Variants in AKAP13 observed in about 807,000 individuals in gnomAD.
The protein encoded by AKAP13 is A-kinase anchor protein 13.
AKAP13 carries 80 observed loss-of-function variants against 264.5 expected under a neutral mutation model. The observed-to-expected ratio is 0.30, with a 90% CI of 0.25 to 0.36. The LOEUF is 0.36. AKAP13 is among the 10% of genes least tolerant of loss of function. The pLI is 1.00. For missense variants in AKAP13, 3,712 were observed against 3,435.2 expected, an observed-to-expected ratio of 1.08 and a Z score of -2.01; for synonymous variants, 1,380 against 1,250.2, an observed-to-expected ratio of 1.10 and a Z score of -2.19.
intron 8 of AKAP13, among the ~76,000 whole-genome samples, chr15:85,632,588 G>A (rs2081887862): frequency 6.6e-6 from 1 of 152,102 alleles, no homozygotes; most frequent in Admixed American, 6.5e-5. Flanking sequence ...ACATGATTAT[G>A]TTCTCATCAC....
chr15:85,391,947 G>T (rs1019622205), intron 1 of AKAP13, among the ~76,000 whole-genome samples: 10 of 151,744 alleles, frequency 6.6e-5, no homozygotes, highest in East Asian at 5.8e-4. Flanking sequence ...ACCATACCTG[G>T]CTAATTTTTG....
Position 85,579,151 on chromosome 15 carries a change from G to T in AKAP13, c.1083G>T (p.Glu361Asp). 4 of 1,614,132 alleles carry T rather than the reference G, an allele frequency of 2.5e-6. No homozygotes were observed. The highest frequency in any genetic ancestry group is 3.4e-6 in the Non-Finnish European group (4 of 1,180,030). The change falls in exon 7 of 37, where the codon GAG becomes GAT. Residue 361 changes from glutamate to aspartate, a missense_variant. Around this residue, in one of 3 missense-constraint regions of AKAP13, gnomAD observed 2,759 missense variants for 2,411.7 expected, o/e 1.14. Transcript: ENST00000394518. ...ESPCDLSSIV[E>D]EENTDRSCRK... is the part of the protein sequence containing the mutation. ...CCTGTGATTTGTCAAGCATAGTTGA[G>T]GAGGAGAATACAGACCGTTCCTGTA...
At chr15:85,410,422 C>T (rs1037013042) in intron 1 of AKAP13, among the ~76,000 whole-genome samples, 1 of 151,714 alleles carries the variant, frequency 6.6e-6, no homozygotes, top group Non-Finnish European at 1.5e-5. Context: ...ACTGTTTGGA[C>T]TGGCCTTTCC....
intron 5 of AKAP13, among the ~76,000 whole-genome samples, chr15:85,570,913 G>A (rs143112846): frequency 7.7e-4 from 116 of 151,436 alleles, no homozygotes; most frequent in African/African-American, 2.7e-3. Context: ...GTCTAGAAGA[G>A]GTATCCTGAA....
chr15:85,530,304 C>G (rs550895981), intron 3 of AKAP13, among the ~76,000 whole-genome samples: 128 of 152,276 alleles, frequency 8.4e-4, no homozygotes, highest in African/African-American at 2.7e-3. Context: ...TGGCACTTCA[C>G]AGTTTTGGGT....
chr15:85,637,712 C>T (rs929173169), intron 8 of AKAP13, among the ~76,000 whole-genome samples: 2 of 151,946 alleles, frequency 1.3e-5, no homozygotes, highest in Non-Finnish European at 2.9e-5. Context: ...AAGTTTAGAT[C>T]ACTGATTTGA....
chr15:85,715,265 T>C (rs554369692), intron 19 of AKAP13, among the ~76,000 whole-genome samples: 15 of 152,306 alleles, frequency 9.8e-5, no homozygotes, highest in African/African-American at 3.6e-4. Flanking sequence ...AGTGTCCTTA[T>C]TTTTTGTAAG....
intron 1 of AKAP13, among the ~76,000 whole-genome samples, chr15:85,458,968 T>A (rs2074396576): frequency 6.6e-6 from 1 of 152,214 alleles, no homozygotes; most frequent in Admixed American, 6.5e-5. Context: ...CTGCATGTAC[T>A]TGTCTAGACA....
intron 2 of AKAP13, among the ~76,000 whole-genome samples, chr15:85,513,248 T>G (rs891766228): frequency 6.6e-6 from 1 of 152,182 alleles, no homozygotes; most frequent in African/African-American, 2.4e-5. Flanking sequence ...CTGAAGGAAC[T>G]TCTACATTTG....
At chr15:85,477,587 T>C (rs1351827287) in intron 1 of AKAP13, among the ~76,000 whole-genome samples, 1 of 148,962 alleles carries the variant, frequency 6.7e-6, no homozygotes, top group Non-Finnish European at 1.5e-5. Flanking sequence ...TGTGAATCTT[T>C]GAACCTGCAG....
At chr15:85,399,531 T>TAAAA (rs1209122994) in intron 1 of AKAP13, among the ~76,000 whole-genome samples, 3 of 104,994 alleles carry the variant, frequency 2.9e-5, no homozygotes, top group Non-Finnish European at 4.0e-5. Flanking sequence ...AATAAAAAAA[T>TAAAA]AAAAAAATAA....
rs138546246 is a variant in AKAP13 at position 85,746,210 on chromosome 15, C to A, written c.*1533C>A. On this transcript the variant is annotated 3_prime_UTR_variant, in exon 37 of 37. Coordinates refer to ENST00000394518, the MANE Select transcript of AKAP13 (RefSeq NM_007200.5). ...GCTTATTGATGAATTGCAAGCTGGC[C>A]TTGCAGATGGAGATATTTATCTTTC... 6.5e-6 allele frequency: 1 copy of A among 152,708 alleles called. No individual in the cohort carries two copies. Among genetic ancestry groups the A allele is most frequent in the East Asian group, 1.9e-4 (1 of 5,188 alleles). 9.5% of individuals were successfully genotyped at this position (152,708 alleles called of 1,614,324 possible).
intron 14 of AKAP13, chr15:85,670,756 G>C (rs2083883244): frequency 6.6e-6 from 1 of 152,012 alleles, no homozygotes; most frequent in Non-Finnish European, 1.5e-5. Context: ...CTGAGACAGA[G>C]ATTTAGTTCA....
chr15:85,434,460 G>T (rs963033024), intron 1 of AKAP13, among the ~76,000 whole-genome samples: 10 of 152,220 alleles, frequency 6.6e-5, no homozygotes, highest in African/African-American at 2.4e-4. Flanking sequence ...GAACTGGGTG[G>T]AGCCCACCAC....
Position 85,485,764 on chromosome 15 carries a change from C to T in AKAP13, c.33+11C>T, listed in dbSNP as rs780046676. On this transcript the variant is annotated intron_variant, in intron 2 of 36. Coordinates refer to ENST00000394518, the MANE Select transcript of AKAP13 (RefSeq NM_007200.5). Reference sequence around the variant, plus strand: ...CAAGCTCCCTTATATGTGAGTAAATCATGAGATTTCTTATTATTTTGTGTT... The same window carrying T: ...CAAGCTCCCTTATATGTGAGTAAATTATGAGATTTCTTATTATTTTGTGTT... 2.5e-6 allele frequency: 4 copies of T among 1,611,062 alleles called. No homozygotes were observed. The Admixed American group carries it at 6.7e-5, about 27-fold the overall frequency.
At chr15:85,664,862 A>T in intron 13 of AKAP13, 107 bp downstream of exon 13, 1 of 1,017,344 alleles carries the variant, frequency 9.8e-7, no homozygotes, top group Non-Finnish European at 1.4e-6. Flanking sequence ...TTACTTACCC[A>T]TTATATGATA....
intron 8 of AKAP13, among the ~76,000 whole-genome samples, chr15:85,613,358 T>G (rs2080760533): frequency 6.6e-6 from 1 of 152,176 alleles, no homozygotes; most frequent in African/African-American, 2.4e-5. Context: ...GTTGGCTTTG[T>G]AGCTGATAGA....
chr15:85,440,917 C>T (rs950632263), intron 1 of AKAP13, among the ~76,000 whole-genome samples: 3 of 152,162 alleles, frequency 2.0e-5, no homozygotes, highest in East Asian at 1.9e-4. Context: ...GTAGATTTCA[C>T]TGTAGGGACT....
intron 23 of AKAP13, among the ~76,000 whole-genome samples, chr15:85,721,710 G>A (rs2087295788): frequency 6.6e-6 from 1 of 152,210 alleles, no homozygotes; most frequent in South Asian, 2.1e-4. Context: ...CATTTTCCGT[G>A]TGCACAGTAC....
Sources: allele counts gnomAD v4.1 joint callset (sites outside exome capture counted in the v4.1 genomes callset), GRCh38; gene constraint gnomAD v4.1.1; regional missense constraint gnomAD v4.1.1; transcripts MANE v1.5; gene names NCBI Gene and HGNC (gene_info 2026-07-23, HGNC 2026-07-21).